The following TOR1AIP2 variants were observed in gnomAD, a reference collection of about 807,000 sequenced individuals.
The protein encoded by TOR1AIP2 is torsin 1A interacting protein 2, also known as torsin-1A-interacting protein 2.
TOR1AIP2 carries 20 observed loss-of-function variants against 32.6 expected under a neutral mutation model. That is an observed-to-expected ratio of 0.61 (90% CI 0.43 to 0.89). The LOEUF (loss-of-function observed/expected upper bound fraction) is 0.89, where lower values mean the gene tolerates loss of function less well. Ranked by LOEUF, TOR1AIP2 falls within the 40% of genes least tolerant of loss-of-function variation. The pLI is 0.00. For synonymous variants in TOR1AIP2, 214 were observed against 210.8 expected (o/e 1.02, Z -0.13); for missense variants, 456 against 553.8 (o/e 0.82, Z 1.77).
chr1:179,848,902 G>A (rs112085271), intron 5 of TOR1AIP2, among the ~76,000 whole-genome samples: 12,765 of 152,118 alleles, frequency 0.084, 688 homozygotes, highest in East Asian at 0.14. Flanking sequence ...AGGCCGAGGC[G>A]GGCGGATCAC....
At chr1:179,875,381 C>G (rs981284911) in intron 2 of TOR1AIP2, 1 of 152,040 alleles carries the variant, frequency 6.6e-6, no homozygotes, top group African/African-American at 2.4e-5. Flanking sequence ...GTGTGAAGAT[C>G]AAATGAGATA....
intron 3 of TOR1AIP2, chr1:179,861,584 A>C (rs1696533776): frequency 3.0e-6 from 3 of 985,306 alleles, no homozygotes; most frequent in Admixed American, 1.2e-4. Flanking sequence ...TTTGTGAAGA[A>C]GACTGAAACA....
intron 3 of TOR1AIP2, among the ~76,000 whole-genome samples, chr1:179,854,882 CA>C: frequency 6.6e-6 from 1 of 151,960 alleles, no homozygotes; most frequent in Non-Finnish European, 1.5e-5. Context: ...AACAAACAAA[CA>C]AACAAAAAAC....
intron 3 of TOR1AIP2, chr1:179,861,777 T>C (rs2148443382): frequency 1.0e-6 from 1 of 985,402 alleles, no homozygotes; most frequent in Non-Finnish European, 1.2e-6. Context: ...GTAAACACTA[T>C]GGACATATTA....
In TOR1AIP2 at chr1:179,841,015, CAACTT is replaced by C. The variant is rs1480834463; in HGVS notation, c.*5051_*5055del. ...TAGGCCCACATCATTAGGTATTTCA[CAACTT>C]AACACCTAAAATTTAACATAAATTT... is the stretch of plus-strand genomic sequence containing the variant. On this transcript the variant is annotated 3_prime_UTR_variant, in exon 7 of 7. Transcript: ENST00000609928. 1 of 152,014 alleles carries C rather than the reference CAACTT, an allele frequency of 6.6e-6. No individual in the cohort carries two copies. Among genetic ancestry groups the C allele is most frequent in the African/African-American group, 2.4e-5 (1 of 41,370 alleles). The allele number at this position is 152,014 out of a possible 1,614,324, so 9.4% of individuals were successfully genotyped here.
In TOR1AIP2 at chr1:179,850,146, A is replaced by G. The variant is rs1330770169; in HGVS notation, c.553+699T>C. 1.4e-3 allele frequency among the ~76,000 whole-genome samples: 220 copies of G among 152,322 alleles called. 1 individual carries two copies. Among genetic ancestry groups the G allele is most frequent in the African/African-American group, 5.2e-3 (216 of 41,548 alleles). On this transcript the variant is annotated intron_variant, in intron 5 of 6. Transcript: ENST00000609928. ...AGAATGTTTGGATATCATCTTGTCC[A>G]ACTTCTTCATTTTACAAACAGGAAA...
rs557500707 is a variant in TOR1AIP2, at chr1:179,844,114, G to C, written c.*1957C>G. The C allele has an allele frequency of 6.6e-6, 1 of 152,312 alleles. No individual in the cohort carries two copies. Among genetic ancestry groups the C allele is most frequent in the South Asian group, 2.1e-4 (1 of 4,828 alleles). The allele number at this position is 152,312 out of a possible 1,614,324, so 9.4% of individuals were successfully genotyped here. A position where few individuals can be genotyped will look rare whatever the true frequency, so the allele number is the denominator to read the frequency against. ...ACAAGGCAACACTGGTTTTGTGGAT[G>C]TAACGCTAGCATCTAAGATCTAAAA... On this transcript the variant is annotated 3_prime_UTR_variant, in exon 7 of 7. Transcript: ENST00000609928.
rs1258348467 is a variant in TOR1AIP2 at position 179,845,633 on chromosome 1, T to A, written c.*438A>T. On this transcript the variant is annotated 3_prime_UTR_variant, in exon 7 of 7. Transcript: ENST00000609928. The stretch of plus-strand genomic sequence containing the variant: ...AAATATTCAACATGTGATAGAAAAA[T>A]TTTCTAAAGGTTATCATTGCTTCAT... The A allele has an allele frequency of 6.5e-6, 1 of 153,592 alleles. No homozygotes were observed. Among genetic ancestry groups the A allele is most frequent in the Non-Finnish European group, 1.4e-5 (1 of 69,184 alleles). The allele number at this position is 153,592 out of a possible 1,614,324, so 9.5% of individuals were successfully genotyped here.
chr1:179,873,077 C>T (rs1370733739), intron 2 of TOR1AIP2, among the ~76,000 whole-genome samples: 1 of 152,162 alleles, frequency 6.6e-6, no homozygotes, highest in Non-Finnish European at 1.5e-5. Flanking sequence ...GTTATTTTTC[C>T]TTAGTGTCTA....
chr1:179,861,302 A>G (rs1696520881), intron 3 of TOR1AIP2: 1 of 984,910 alleles, frequency 1.0e-6, no homozygotes, highest in Admixed American at 6.1e-5. Flanking sequence ...TCAACTATGG[A>G]GTATTCTAGA....
chr1:179,873,012 T>C (rs1357547793), intron 2 of TOR1AIP2, among the ~76,000 whole-genome samples: 1 of 152,226 alleles, frequency 6.6e-6, no homozygotes, highest in Non-Finnish European at 1.5e-5. Flanking sequence ...AAATCAACAT[T>C]GGCACAATTC....
intron 2 of TOR1AIP2, among the ~76,000 whole-genome samples, 187 bp downstream of exon 2, chr1:179,877,052 T>C (rs1269158312): frequency 1.3e-5 from 2 of 152,044 alleles, no homozygotes; most frequent in South Asian, 2.1e-4. Flanking sequence ...AACCTAGGCA[T>C]GTTGGGAATG....
chr1:179,851,012 T>G lies in TOR1AIP2; in HGVS notation c.386A>C (p.Asp129Ala). The part of the protein sequence containing the change: ...HSPSDKVGRA[D>A]AHLGSSSVAL... ...CACAGAGCTGCTCCCTAAGTGTGCA[T>G]CTGCTCTTCCTACCTTGTCACTTGG... Residue 129 changes from aspartate to alanine, a missense_variant, in exon 5 of 7, where the codon GAT (aspartate) becomes GCT (alanine). Asp to Ala is a moderately radical substitution (Grantham distance 126). Transcript: ENST00000609928. 6.2e-7 allele frequency: 1 copy of G among 1,614,200 alleles called. No homozygotes were observed. Among genetic ancestry groups the G allele is most frequent in the Non-Finnish European group, 8.5e-7 (1 of 1,180,026 alleles).
rs1157496869 is a variant in TOR1AIP2 at position 179,861,182 on chromosome 1, C to CGAGTGTAA, written c.-147+4253_-147+4254insTTACACTC. On this transcript the variant is annotated intron_variant, in intron 3 of 6. Coordinates refer to ENST00000609928, the MANE Select transcript of TOR1AIP2 (RefSeq NM_001199260.2). Reference sequence around the variant, plus strand: ...CTCTTCCACACTATAAAAATAGAGACGAGTGTAGCTCACACTATTTAAAAC... The same window carrying CGAGTGTAA: ...CTCTTCCACACTATAAAAATAGAGACGAGTGTAAGAGTGTAGCTCACACTATTTAAAAC... 3.1e-5 allele frequency: 31 copies of CGAGTGTAA among 985,416 alleles called. No homozygotes were observed. In the African/African-American group the frequency reaches 5.4e-4, roughly 17 times the overall value. 61.0% of individuals were successfully genotyped at this position (985,416 alleles called of 1,614,324 possible).
rs1239027410 is a variant in TOR1AIP2, at chr1:179,843,632, G to C, written c.*2439C>G. The stretch of plus-strand genomic sequence containing the variant: ...AGGCCAGGAGTTCAAGACCAGCCTA[G>C]GCAACACAGTAAGACCCTGTCTCTA... On this transcript the variant is annotated 3_prime_UTR_variant, in exon 7 of 7. Transcript: ENST00000609928. 6.6e-6 allele frequency: 1 copy of C among 152,040 alleles called. No individual in the cohort carries two copies. Among genetic ancestry groups the C allele is most frequent in the African/African-American group, 2.4e-5 (1 of 41,276 alleles). The allele number at this position is 152,040 out of a possible 1,614,324, so 9.4% of individuals were successfully genotyped here.
In TOR1AIP2 at chr1:179,846,075, A is replaced by C; in HGVS notation, c.1409T>G (p.Phe470Cys). The C allele has an allele frequency of 6.2e-7, 1 of 1,612,254 alleles. No homozygotes were observed. The highest frequency in any genetic ancestry group is 8.5e-7 in the Non-Finnish European group (1 of 1,178,620). ...TAACCAACTCTGTGCTTAGCTTTAG[A>C]AAAGGCACCCCTGTTCTTCTATGCT... ...VSSIEEQGCL[F>C] is the part of the protein sequence containing the mutation. Residue 470 changes from phenylalanine to cysteine, a missense_variant, in exon 7 of 7, where the codon TTC (phenylalanine) becomes TGC (cysteine). By Grantham distance (205) the Phe-to-Cys change is radical. Transcript: ENST00000609928.
In TOR1AIP2 at chr1:179,851,023, T is replaced by C; in HGVS notation, c.375A>G (p.Val125=). 1 of 1,614,216 alleles carries C rather than the reference T, an allele frequency of 6.2e-7. No homozygotes were observed. The highest frequency in any genetic ancestry group is 8.5e-7 in the Non-Finnish European group (1 of 1,180,020). Residue 125 remains valine (V), a synonymous_variant, in exon 5 of 7, where the codon GTA becomes GTG. Transcript: ENST00000609928. ...PDPSHSPSDK[V]GRADAHLGSS... is the part of the protein sequence containing the mutation. ...TCCCTAAGTGTGCATCTGCTCTTCC[T>C]ACCTTGTCACTTGGAGAATGGCTGG...
At chr1:179,876,346 C>G (rs1177767633) in intron 2 of TOR1AIP2, among the ~76,000 whole-genome samples, 1 of 152,100 alleles carries the variant, frequency 6.6e-6, no homozygotes, top group East Asian at 1.9e-4. Flanking sequence ...ATTATTGAAG[C>G]TCTCAAGCTA....
intron 2 of TOR1AIP2, chr1:179,875,958 A>C (rs963175743): frequency 3.9e-5 from 6 of 152,246 alleles, no homozygotes; most frequent in Admixed American, 3.9e-4. Flanking sequence ...ATGATGTAGA[A>C]ATATTAATGA....
Sources: gnomAD v4.1 joint callset for allele counts (sites outside exome capture counted in the v4.1 genomes callset) on GRCh38, gnomAD v4.1.1 for gene constraint, MANE v1.5 for transcripts, NCBI Gene and HGNC (gene_info 2026-07-23, HGNC 2026-07-21) for gene names.